OLFM3: variants seen among roughly 807,000 people sequenced by gnomAD.
OLFM3 encodes noelin-3.
Under a neutral mutation model 48.6 loss-of-function variants are expected in OLFM3, and 20 were observed. The observed-to-expected ratio is 0.41, with a 90% confidence interval of 0.29 to 0.60. The LOEUF (loss-of-function observed/expected upper bound fraction) is 0.60, where lower values mean the gene tolerates loss of function less well. Ranked by LOEUF, OLFM3 falls within the 20% of genes least tolerant of loss-of-function variation. The probability of loss-of-function intolerance (pLI) is 0.28; values close to 1 mark genes in which losing one functional copy is unlikely to be tolerated. For missense variants in OLFM3, 437 were observed against 544.3 expected (o/e 0.80, Z 1.96); for synonymous variants, 222 against 198.1 (o/e 1.12, Z -1.01).
At chr1:101,860,461 T>C (rs1370168173) in intron 1 of OLFM3, among the ~76,000 whole-genome samples, 1 of 152,066 alleles carries the variant, frequency 6.6e-6, no homozygotes, top group African/African-American at 2.4e-5. Context: ...TGAAGAGATA[T>C]GTTTTTGCAA....
At chr1:101,981,241 G>C (rs1661097641) in intron 1 of OLFM3, among the ~76,000 whole-genome samples, 1 of 151,700 alleles carries the variant, frequency 6.6e-6, no homozygotes, top group East Asian at 1.9e-4. Flanking sequence ...GAAAATGAAA[G>C]CAACTACAAG....
rs193085020 is a variant in OLFM3, at chr1:101,846,549, A to G, written c.70-9524T>C. On this transcript the variant is annotated intron_variant, in intron 1 of 5. Coordinates refer to ENST00000370103, the MANE Select transcript of OLFM3 (RefSeq NM_058170.4). ...AGAATAAGAAACAAAACATATATAT[A>G]TATATATTTTTAAGAATTGCCCAAG... is the stretch of plus-strand genomic sequence containing the variant. Among the ~76,000 whole-genome samples the G allele has an allele frequency of 2.7e-3, 413 of 152,000 alleles. 6 individuals carry two copies. Among genetic ancestry groups the G allele is most frequent in the Non-Finnish European group, 2.1e-3 (146 of 67,952 alleles).
chr1:101,888,685 A>G (rs1657868954), intron 1 of OLFM3, among the ~76,000 whole-genome samples: 1 of 152,190 alleles, frequency 6.6e-6, no homozygotes, highest in South Asian at 2.1e-4. Context: ...CTGCACAGCA[A>G]AAGAAACTAC....
chr1:101,892,768 C>T (rs998006033), intron 1 of OLFM3, among the ~76,000 whole-genome samples: 3 of 152,122 alleles, frequency 2.0e-5, no homozygotes, highest in African/African-American at 2.4e-5. Flanking sequence ...TAAGCATTAT[C>T]GTAGCCTGGG....
rs11555850 is a variant in OLFM3 at position 101,836,954 on chromosome 1, G to A, written c.141C>T (p.Cys47=). The part of the protein sequence containing the change: ...SAQDPDGRCI[C]TVVAPEQNLC... Reference sequence around the variant, plus strand: ...GGTTTTGTTCTGGAGCAACAACTGTGCAAATGCACCGCCCATCAGGATCCT... The same window carrying A: ...GGTTTTGTTCTGGAGCAACAACTGTACAAATGCACCGCCCATCAGGATCCT... Residue 47 remains cysteine (C), a synonymous_variant, in exon 2 of 6, where the codon TGC becomes TGT. Coordinates refer to ENST00000370103, the MANE Select transcript of OLFM3 (RefSeq NM_058170.4). The A allele has an allele frequency of 1.3e-3, 2,164 of 1,614,102 alleles. 12 individuals carry two copies. Among genetic ancestry groups the A allele is most frequent in the Non-Finnish European group, 1.2e-3 (1,411 of 1,179,986 alleles).
chr1:101,841,728 G>A (rs1655730525), intron 1 of OLFM3, among the ~76,000 whole-genome samples: 1 of 152,158 alleles, frequency 6.6e-6, no homozygotes, highest in South Asian at 2.1e-4. Flanking sequence ...TTGAACAGAA[G>A]AAAATCAACT....
intron 1 of OLFM3, chr1:101,847,056 C>T: frequency 1.3e-6 from 2 of 1,516,344 alleles, no homozygotes; most frequent in East Asian, 4.7e-5. Context: ...CTGCAGCGCG[C>T]CACATCTACA....
intron 1 of OLFM3, among the ~76,000 whole-genome samples, chr1:101,925,445 T>C (rs1004187114): frequency 6.6e-6 from 1 of 152,076 alleles, no homozygotes; most frequent in African/African-American, 2.4e-5. Flanking sequence ...TCTACCATAG[T>C]ACTCATCATA....
intron 1 of OLFM3, among the ~76,000 whole-genome samples, chr1:101,878,433 A>G (rs1188722773): frequency 6.6e-6 from 1 of 151,966 alleles, no homozygotes; most frequent in Non-Finnish European, 1.5e-5. Flanking sequence ...TGGGTCACCC[A>G]TTAAACTGGT....
Position 101,877,378 on chromosome 1 carries a change from G to A in OLFM3, c.70-40353C>T, listed in dbSNP as rs562728863. Among the ~76,000 whole-genome samples the A allele has an allele frequency of 3.9e-5, 6 of 152,004 alleles. No individual in the cohort carries two copies. The Middle Eastern group carries it at 0.01, about 259-fold the overall frequency. On this transcript the variant is annotated intron_variant, in intron 1 of 5. Coordinates refer to ENST00000370103, the MANE Select transcript of OLFM3 (RefSeq NM_058170.4). ...TTGTACCTTGACTACTATTTTAAAA[G>A]CTGGAGATCAGGAGATCAAAATCCA...
chr1:101,994,861 T>C (rs1661516189), intron 1 of OLFM3, among the ~76,000 whole-genome samples: 1 of 152,030 alleles, frequency 6.6e-6, no homozygotes, highest in Non-Finnish European at 1.5e-5. Flanking sequence ...CCCTGGATTT[T>C]TCAGCTCATT....
At chr1:101,907,819 G>A (rs1247529176) in intron 1 of OLFM3, among the ~76,000 whole-genome samples, 1 of 152,098 alleles carries the variant, frequency 6.6e-6, no homozygotes, top group Non-Finnish European at 1.5e-5. Context: ...TATTTAGAAA[G>A]CTCTATTTCC....
In OLFM3 at chr1:101,856,944, G is replaced by T. The variant is rs920705880; in HGVS notation, c.70-19919C>A. 4.7e-4 allele frequency among the ~76,000 whole-genome samples: 72 copies of T among 151,928 alleles called. 1 individual carries two copies. The highest frequency in any genetic ancestry group is 2.9e-5 in the Non-Finnish European group (2 of 67,936). The stretch of plus-strand genomic sequence containing the variant: ...TTAGTACCACATAGTGTAATGGTCA[G>T]GAAAGACCACAGTGGAAAAGATAAT... On this transcript the variant is annotated intron_variant, in intron 1 of 5. Coordinates refer to ENST00000370103, the MANE Select transcript of OLFM3 (RefSeq NM_058170.4).
At position 101,943,886 on chromosome 1, in the gene OLFM3, A is replaced by G. The variant is rs1659870069; in HGVS notation, c.69+52862T>C. On this transcript the variant is annotated intron_variant, in intron 1 of 5. Coordinates refer to ENST00000370103, the MANE Select transcript of OLFM3 (RefSeq NM_058170.4). Reference sequence around the variant, plus strand: ...TGATTAAATTCATAAAACTCTAGAAATCCAATAGCCTCTTATTAATATTCT... The same window carrying G: ...TGATTAAATTCATAAAACTCTAGAAGTCCAATAGCCTCTTATTAATATTCT... Among the ~76,000 whole-genome samples, 3 of 151,868 alleles carry G rather than the reference A, an allele frequency of 2.0e-5. No homozygotes were observed. The South Asian group carries it at 6.2e-4, about 32-fold the overall frequency.
At position 101,973,421 on chromosome 1, in the gene OLFM3, C is replaced by T. The variant is rs142609429; in HGVS notation, c.69+23327G>A. On this transcript the variant is annotated intron_variant, in intron 1 of 5. Coordinates refer to ENST00000370103, the MANE Select transcript of OLFM3 (RefSeq NM_058170.4). ...CTCAAGGGATTGGACGAGGCTCACTCGCGTTGTCCAGGGTAGGTTTTGTCT... is the reference window on the plus strand; with the variant it reads ...CTCAAGGGATTGGACGAGGCTCACTTGCGTTGTCCAGGGTAGGTTTTGTCT... Among the ~76,000 whole-genome samples the T allele has an allele frequency of 3.5e-3, 538 of 152,246 alleles. 6 individuals are homozygous for T. The highest frequency in any genetic ancestry group is 5.0e-3 in the Non-Finnish European group (337 of 68,024).
intron 1 of OLFM3, among the ~76,000 whole-genome samples, chr1:101,935,365 G>C (rs1353634663): frequency 2.7e-5 from 4 of 150,672 alleles, no homozygotes; most frequent in Admixed American, 2.6e-4. Context: ...CACACAACTA[G>C]AAAACCTAGA....
At chr1:101,962,249 G>T (rs1464095388) in intron 1 of OLFM3, among the ~76,000 whole-genome samples, 1 of 152,092 alleles carries the variant, frequency 6.6e-6, no homozygotes, top group African/African-American at 2.4e-5. Context: ...TGTATGGAGT[G>T]TTGCCTGAAT....
chr1:101,983,584 A>C (rs1007687024), intron 1 of OLFM3, among the ~76,000 whole-genome samples: 1 of 152,248 alleles, frequency 6.6e-6, no homozygotes, highest in Admixed American at 6.5e-5. Context: ...TTGAAAAAGT[A>C]GTTACCACAT....
chr1:101,977,507 T>C (rs1297223042), intron 1 of OLFM3, among the ~76,000 whole-genome samples: 4 of 152,132 alleles, frequency 2.6e-5, no homozygotes, highest in Admixed American at 1.3e-4. Context: ...TTTGTTGGAT[T>C]AAAATACATT....
Sources: allele counts gnomAD v4.1 joint callset (sites outside exome capture counted in the v4.1 genomes callset), GRCh38; gene constraint gnomAD v4.1.1; transcripts MANE v1.5; gene names NCBI Gene and HGNC (gene_info 2026-07-23, HGNC 2026-07-21).